HPSE2: variants seen among roughly 807,000 people sequenced by gnomAD.
HPSE2 encodes heparanase 2 (inactive).
A neutral mutation model predicts 60.5 loss-of-function variants in HPSE2; 38 were observed. The observed-to-expected ratio is 0.63, with a 90% CI of 0.48 to 0.82. The LOEUF (loss-of-function observed/expected upper bound fraction) is 0.82, where lower values mean the gene tolerates loss of function less well. HPSE2 is among the 40% of genes least tolerant of loss of function. HPSE2 has a pLI of 0.00. For missense variants in HPSE2, 713 were observed against 740.4 expected, an observed-to-expected ratio of 0.96 and a Z score of 0.43; for synonymous variants, 295 against 293.2, an observed-to-expected ratio of 1.01 and a Z score of -0.06.
intron 3 of HPSE2, among the ~76,000 whole-genome samples, chr10:98,857,832 T>C (rs184355067): frequency 6.6e-6 from 1 of 152,294 alleles, no homozygotes; most frequent in Admixed American, 6.5e-5. Context: ...TTGTAAGGCA[T>C]AGAGTCTTTT....
intron 7 of HPSE2, among the ~76,000 whole-genome samples, chr10:98,638,859 T>G (rs969096038): frequency 3.3e-5 from 5 of 152,092 alleles, no homozygotes; most frequent in Non-Finnish European, 5.9e-5. Context: ...TGGCAAGAGC[T>G]TTGTAAAAGA....
intron 3 of HPSE2, among the ~76,000 whole-genome samples, chr10:98,998,274 T>C (rs11189931): frequency 0.015 from 2,353 of 152,330 alleles, 62 homozygotes; most frequent in African/African-American, 0.053. Flanking sequence ...CTCCTTTTCA[T>C]TTTCTTTTCA....
At chr10:98,899,594 A>T (rs1463057677) in intron 3 of HPSE2, among the ~76,000 whole-genome samples, 3 of 152,186 alleles carry the variant, frequency 2.0e-5, no homozygotes, top group African/African-American at 7.2e-5. Context: ...GGAAAATGTA[A>T]ATTAAAACCA....
At chr10:98,823,861 G>A (rs562266239) in intron 3 of HPSE2, among the ~76,000 whole-genome samples, 32 of 152,094 alleles carry the variant, frequency 2.1e-4, no homozygotes, top group African/African-American at 7.7e-4. Context: ...AGATTTAAAG[G>A]ACATAATCAA....
At chr10:99,103,687 G>C (rs1156926173) in intron 3 of HPSE2, among the ~76,000 whole-genome samples, 1 of 152,120 alleles carries the variant, frequency 6.6e-6, no homozygotes, top group Non-Finnish European at 1.5e-5. Context: ...ACAATCCTAA[G>C]CCAAAAGAAC....
intron 9 of HPSE2, among the ~76,000 whole-genome samples, chr10:98,496,383 A>G (rs1388828500): frequency 6.6e-6 from 1 of 152,220 alleles, no homozygotes; most frequent in Non-Finnish European, 1.5e-5. Context: ...AGGTGCAACA[A>G]CAGTGGTTGC....
At chr10:98,661,358 C>T (rs1382502563) in intron 6 of HPSE2, among the ~76,000 whole-genome samples, 3 of 152,104 alleles carry the variant, frequency 2.0e-5, no homozygotes, top group Non-Finnish European at 2.9e-5. Flanking sequence ...AATTTTAGTT[C>T]CTGAGTAGCT....
intron 2 of HPSE2, among the ~76,000 whole-genome samples, chr10:99,168,163 C>G (rs1847162786): frequency 6.6e-6 from 1 of 150,662 alleles, no homozygotes; most frequent in African/African-American, 2.5e-5. Flanking sequence ...TGAATTTATA[C>G]ATTAATTTGG....
At chr10:99,278,928 T>C in the HPSE2 span, among the ~76,000 whole-genome samples, 7 of 152,246 alleles carry the variant, frequency 4.6e-5, no homozygotes, top group African/African-American at 1.7e-4. Flanking sequence ...TCATGAAATG[T>C]TTAAAGGAGA....
In HPSE2 at chr10:98,968,494, T is replaced by C. The variant is rs545761273; in HGVS notation, c.610+175744A>G. Among the ~76,000 whole-genome samples the C allele has an allele frequency of 8.5e-4, 129 of 152,286 alleles. 1 individual carries two copies. Among genetic ancestry groups the C allele is most frequent in the African/African-American group, 2.9e-3 (122 of 41,570 alleles). On this transcript the variant is annotated intron_variant, in intron 3 of 11. Transcript: ENST00000370552. ...CTACCATTTGACCCAGCAATCCGAC[T>C]ACTGGGTATTTACGCAAAGAAAAAT...
chr10:98,577,431 A>G (rs1944671797), intron 9 of HPSE2, among the ~76,000 whole-genome samples: 3 of 152,244 alleles, frequency 2.0e-5, no homozygotes, highest in South Asian at 2.1e-4. Context: ...CCCTCACCCA[A>G]TGTTATTGCT....
chr10:98,804,142 A>G (rs531330832), intron 3 of HPSE2, among the ~76,000 whole-genome samples: 2 of 152,132 alleles, frequency 1.3e-5, no homozygotes, highest in Admixed American at 6.6e-5. Flanking sequence ...TTAGTGTATA[A>G]GAATGCTTGT....
intron 3 of HPSE2, among the ~76,000 whole-genome samples, chr10:98,871,676 T>C (rs1952736351): frequency 6.6e-6 from 1 of 152,028 alleles, no homozygotes; most frequent in African/African-American, 2.4e-5. Flanking sequence ...AAGGAAGGAT[T>C]TGGACAGGCA....
At chr10:98,591,661 CAAAATAAAAT>C (rs1177932160) in intron 9 of HPSE2, among the ~76,000 whole-genome samples, 1 of 151,060 alleles carries the variant, frequency 6.6e-6, no homozygotes, top group Non-Finnish European at 1.5e-5. Context: ...GACTCTATCT[CAAAATAAAAT>C]AAAATAAAAT....
chr10:98,807,244 C>T (rs928006721), intron 3 of HPSE2, among the ~76,000 whole-genome samples: 1 of 152,182 alleles, frequency 6.6e-6, no homozygotes, highest in African/African-American at 2.4e-5. Context: ...TGTGGCAAAA[C>T]ATACATAAAT....
chr10:98,774,355 G>C (rs1347950661), intron 3 of HPSE2, among the ~76,000 whole-genome samples: 1 of 152,042 alleles, frequency 6.6e-6, no homozygotes, highest in East Asian at 1.9e-4. Context: ...GACATCCACA[G>C]CTATTAAAAC....
At chr10:99,013,075 G>C (rs987642352) in intron 3 of HPSE2, 1 of 591,836 alleles carries the variant, frequency 1.7e-6, no homozygotes, top group Admixed American at 2.2e-5. Flanking sequence ...TTTATACAAA[G>C]TCTATGAGAA....
intron 7 of HPSE2, among the ~76,000 whole-genome samples, chr10:98,637,901 G>A (rs1946537949): frequency 6.6e-6 from 1 of 152,086 alleles, no homozygotes; most frequent in African/African-American, 2.4e-5. Context: ...CACTTTGGGA[G>A]GCCAAGGCGG....
chr10:98,937,398 C>A (rs1954834572), intron 3 of HPSE2, among the ~76,000 whole-genome samples: 3 of 144,618 alleles, frequency 2.1e-5, no homozygotes. Context: ...CTGCGCTTTT[C>A]CGACAGGCTT....
Sources: allele counts gnomAD v4.1 joint callset (sites outside exome capture counted in the v4.1 genomes callset), GRCh38; gene constraint gnomAD v4.1.1; transcripts MANE v1.5; gene names NCBI Gene and HGNC (gene_info 2026-07-23, HGNC 2026-07-21).